The following CIAPIN1 variants were observed in gnomAD, a reference collection of about 807,000 sequenced individuals.
CIAPIN1 encodes cytokine induced apoptosis inhibitor 1, also known as anamorsin.
A neutral mutation model predicts 34.3 loss-of-function variants in CIAPIN1; 18 were observed. The observed-to-expected ratio is 0.52, with a 90% CI of 0.36 to 0.78. The LOEUF (loss-of-function observed/expected upper bound fraction) is 0.78, where lower values mean the gene tolerates loss of function less well. Ranked by LOEUF, CIAPIN1 falls within the 30% of genes least tolerant of loss-of-function variation. The pLI, the probability that CIAPIN1 is intolerant of heterozygous loss-of-function variation, is 0.00. For synonymous variants in CIAPIN1, 131 were observed against 140.4 expected (o/e 0.93, Z 0.47); for missense variants, 310 against 372.5 (o/e 0.83, Z 1.38).
At chr16:57,436,987 C>T (rs899116670) in intron 3 of CIAPIN1, among the ~76,000 whole-genome samples, 3 of 151,978 alleles carry the variant, frequency 2.0e-5, no homozygotes, top group Non-Finnish European at 2.9e-5. Flanking sequence ...AATAGCCAGG[C>T]GTGGTGGCAC....
chr16:57,434,190 G>C lies in CIAPIN1; in HGVS notation c.410C>G (p.Pro137Arg). 6.2e-7 allele frequency: 1 copy of C among 1,614,006 alleles called. No individual in the cohort carries two copies. The highest frequency in any genetic ancestry group is 1.1e-5 in the South Asian group (1 of 91,022). ...TTCTCGAACAGACTGTACTTCCTCA[G>C]GGGTTAGGGGCTCCCGCTGCAGCTA... Reference protein sequence around the residue: ...VKELQREPLTPEEVQSVREHL... With the variant: ...VKELQREPLTREEVQSVREHL... Residue 137 changes from proline (P) to arginine (R), a missense_variant, in exon 5 of 9, where the codon CCT (proline) becomes CGT (arginine). Coordinates refer to ENST00000394391, the MANE Select transcript of CIAPIN1 (RefSeq NM_020313.4).
chr16:57,432,589 C>T (rs765534261), intron 5 of CIAPIN1, 29 bp from the exon 6 acceptor site: 6 of 1,586,680 alleles, frequency 3.8e-6, no homozygotes, highest in Non-Finnish European at 5.2e-6. Flanking sequence ...AGAAAAAACT[C>T]CATAAACACA....
intron 5 of CIAPIN1, 152 bp from the exon 6 acceptor site, chr16:57,432,712 G>A (rs778725950): frequency 6.0e-6 from 4 of 664,010 alleles, no homozygotes; most frequent in Admixed American, 6.0e-5. Context: ...ACCCCTCTGA[G>A]AGGTCTGACC....
In CIAPIN1 at chr16:57,444,158, G is replaced by A. The variant is rs2029966055; in HGVS notation, c.-55-3175C>T. Among the ~76,000 whole-genome samples, 5 of 152,294 alleles carry A rather than the reference G, an allele frequency of 3.3e-5. No homozygotes were observed. In the South Asian group the frequency reaches 1.0e-3, roughly 32 times the overall value. ...TTACGGAGGCTTTTATAGGGCACAG[G>A]TTTTGAGTGCAGATGACCTAGGGTT... is the stretch of plus-strand genomic sequence containing the variant. On this transcript the variant is annotated intron_variant, in intron 1 of 8. Transcript: ENST00000394391.
At chr16:57,440,620 C>T (rs973134483) in intron 2 of CIAPIN1, 152 bp downstream of exon 2, 19 of 783,628 alleles carry the variant, frequency 2.4e-5, no homozygotes, top group South Asian at 1.1e-4. Flanking sequence ...GTGGTTCCTC[C>T]GATATATCTC....
intron 1 of CIAPIN1, among the ~76,000 whole-genome samples, chr16:57,444,621 A>C (rs2029982375): frequency 6.6e-6 from 1 of 152,232 alleles, no homozygotes; most frequent in Non-Finnish European, 1.5e-5. Context: ...GTATCTCCCA[A>C]AACTAATCTT....
chr16:57,440,007 C>T (rs1359749526), intron 2 of CIAPIN1, among the ~76,000 whole-genome samples: 1 of 152,212 alleles, frequency 6.6e-6, no homozygotes, highest in Admixed American at 6.5e-5. Context: ...AGCCATATTT[C>T]TCTTCTTACA....
intron 1 of CIAPIN1, among the ~76,000 whole-genome samples, chr16:57,447,116 G>A (rs1345947191): frequency 6.6e-6 from 1 of 152,204 alleles, no homozygotes; most frequent in Non-Finnish European, 1.5e-5. Context: ...GCCGGGGAAC[G>A]GCAGAAATTC....
At chr16:57,439,478 A>G (rs1903279210) in intron 2 of CIAPIN1, 144 bp from the exon 3 acceptor site, 3 of 760,456 alleles carry the variant, frequency 3.9e-6, no homozygotes, top group Non-Finnish European at 4.3e-6. Context: ...GATGAATAGT[A>G]AGTGTTTTAA....
intron 3 of CIAPIN1, among the ~76,000 whole-genome samples, chr16:57,437,826 A>C (rs1293242867): frequency 6.6e-6 from 1 of 152,166 alleles, no homozygotes; most frequent in East Asian, 1.9e-4. Context: ...GTGCCTGGCC[A>C]TAGCGATACT....
At chr16:57,435,842 T>C (rs1163749321) in intron 4 of CIAPIN1, among the ~76,000 whole-genome samples, 3 of 151,868 alleles carry the variant, frequency 2.0e-5, no homozygotes, top group African/African-American at 7.3e-5. Flanking sequence ...CCCTACATTA[T>C]GTAAGAAATA....
rs1903016688 is a variant in CIAPIN1 at position 57,428,995 on chromosome 16, G to C, written c.*175C>G. On this transcript the variant is annotated 3_prime_UTR_variant, in exon 9 of 9. Coordinates refer to ENST00000394391, the MANE Select transcript of CIAPIN1 (RefSeq NM_020313.4). Reference sequence around the variant, plus strand: ...TAATACCTTGGTCTTTTGATACACAGCAGCACTACACACCACTGTGCCCCC... The same window carrying C: ...TAATACCTTGGTCTTTTGATACACACCAGCACTACACACCACTGTGCCCCC... The C allele has an allele frequency of 3.4e-6, 2 of 583,404 alleles. No individual in the cohort carries two copies. The highest frequency in any genetic ancestry group is 3.0e-5 in the Admixed American group (1 of 33,004). The allele number at this position is 583,404 out of a possible 1,614,324, so 36.1% of individuals were successfully genotyped here.
In CIAPIN1 at chr16:57,447,129, A is replaced by G. The variant is rs1034541589; in HGVS notation, c.-56+213T>C. On this transcript the variant is annotated intron_variant, in intron 1 of 8. Transcript: ENST00000394391. ...CAGCCGGGGAACGGCAGAAATTCCC[A>G]GTCAGGACCCCAGGGAGGTTAGGGC... 2.0e-5 allele frequency among the ~76,000 whole-genome samples: 3 copies of G among 152,282 alleles called. No individual in the cohort carries two copies. In the South Asian group the frequency reaches 6.2e-4, roughly 32 times the overall value.
At chr16:57,436,257 T>C (rs1257468391) in intron 4 of CIAPIN1, among the ~76,000 whole-genome samples, 1 of 152,204 alleles carries the variant, frequency 6.6e-6, no homozygotes, top group Non-Finnish European at 1.5e-5. Flanking sequence ...AGACAGAGTC[T>C]CGCTCTGTCG....
At chr16:57,437,192 G>C (rs939216033) in intron 3 of CIAPIN1, among the ~76,000 whole-genome samples, 3 of 152,004 alleles carry the variant, frequency 2.0e-5, no homozygotes, top group Non-Finnish European at 4.4e-5. Context: ...TTGACTTAAT[G>C]ATGGTTCTAC....
At chr16:57,432,437 C>T (rs766649291) in intron 6 of CIAPIN1, 50 bp downstream of exon 6, 13 of 1,565,336 alleles carry the variant, frequency 8.3e-6, no homozygotes, top group Non-Finnish European at 8.8e-7. Flanking sequence ...TGTTCACACC[C>T]AAACTGGGGC....
At position 57,447,229 on chromosome 16, in the gene CIAPIN1, T is replaced by G. The variant is rs769371342; in HGVS notation, c.-56+113A>C. 3.0e-4 allele frequency: 105 copies of G among 353,868 alleles called. 1 individual carries two copies. Among genetic ancestry groups the G allele is most frequent in the Non-Finnish European group, 4.4e-4 (88 of 200,336 alleles). The allele number at this position is 353,868 out of a possible 1,614,324, so 21.9% of individuals were successfully genotyped here. A position where few individuals can be genotyped will look rare whatever the true frequency, so the allele number is the denominator to read the frequency against. ...TTCAGCGGGGCGGCCGTGGCTGCGT[T>G]CCCATCGAGGAACGGGGTGGGAAGA... is the stretch of plus-strand genomic sequence containing the variant. On this transcript the variant is annotated intron_variant, in intron 1 of 8. Coordinates refer to ENST00000394391, the MANE Select transcript of CIAPIN1 (RefSeq NM_020313.4).
chr16:57,435,860 C>G (rs986364087), intron 4 of CIAPIN1, among the ~76,000 whole-genome samples: 1 of 151,262 alleles, frequency 6.6e-6, no homozygotes, highest in Non-Finnish European at 1.5e-5. Context: ...ATAACAGGCA[C>G]AACAGCTATC....
chr16:57,445,958 G>A (rs149128977), intron 1 of CIAPIN1, among the ~76,000 whole-genome samples: 167 of 138,508 alleles, frequency 1.2e-3, no homozygotes, highest in African/African-American at 4.0e-3. Context: ...CGATTCTCCC[G>A]CCTCAGCCTC....
Sources: gnomAD v4.1 joint callset for allele counts (sites outside exome capture counted in the v4.1 genomes callset) on GRCh38, gnomAD v4.1.1 for gene constraint, MANE v1.5 for transcripts, NCBI Gene and HGNC (gene_info 2026-07-23, HGNC 2026-07-21) for gene names.